The following SHPRH variants were observed in gnomAD, a reference collection of about 807,000 sequenced individuals.
SHPRH encodes the protein SNF2 histone linker PHD RING helicase, also known as E3 ubiquitin-protein ligase SHPRH.
In SHPRH, 106 loss-of-function variants were observed where a neutral mutation model predicts 202.5. That is an observed-to-expected ratio of 0.52 (90% confidence interval 0.45 to 0.62). The LOEUF is 0.62. Among genes scored for constraint, SHPRH ranks in the 20% least tolerant of loss-of-function variants. The probability of loss-of-function intolerance (pLI) is 0.00; values close to 1 mark genes in which losing one functional copy is unlikely to be tolerated. For missense variants in SHPRH, 1,710 were observed against 2,020.0 expected (o/e 0.85, Z 2.94); for synonymous variants, 729 against 686.0 (o/e 1.06, Z -0.98).
chr6:145,921,518 G>T, intron 20 of SHPRH, 126 bp from the exon 21 acceptor site: 2 of 868,886 alleles, frequency 2.3e-6, no homozygotes, highest in Non-Finnish European at 3.4e-6. Context: ...TGAAAAAGCT[G>T]AAAACATCAT....
intron 2 of SHPRH, among the ~76,000 whole-genome samples, chr6:145,870,259 A>ATTTT (rs146513776): frequency 2.8e-5 from 3 of 107,738 alleles, no homozygotes; most frequent in South Asian, 3.1e-4. Context: ...ATCGTTTCAG[A>ATTTT]TTTTTTTTTT....
At chr6:145,887,382 T>C (rs186933940) in intron 29 of SHPRH, among the ~76,000 whole-genome samples, 94 of 152,232 alleles carry the variant, frequency 6.2e-4, no homozygotes, top group East Asian at 2.9e-3. Context: ...TGTAGAAAGA[T>C]TTATGTTTTC....
chr6:145,952,286 G>A (rs1788056597), intron 3 of SHPRH, 63 bp downstream of exon 3: 2 of 1,439,668 alleles, frequency 1.4e-6, no homozygotes, highest in Non-Finnish European at 1.9e-6. Context: ...ATGTCCAGGG[G>A]TTAGAGGAAA....
intron 1 of SHPRH, among the ~76,000 whole-genome samples, chr6:145,955,775 C>T (rs571390716): frequency 1.3e-4 from 20 of 151,082 alleles, no homozygotes; most frequent in Middle Eastern, 3.4e-3. Flanking sequence ...TTATCAGGCA[C>T]GCAAAAAAAA....
rs528661784 is a variant in SHPRH, at chr6:145,923,326, G to A, written c.3545+317C>T. Among the ~76,000 whole-genome samples, 55 of 151,710 alleles carry A rather than the reference G, an allele frequency of 3.6e-4. 1 individual carries two copies. The South Asian group carries it at 0.011, about 29-fold the overall frequency. ...AAATCTGTAATTATGCACTATATACGAGGCACTTTGCCAAGCACTTTTCCT... is the reference window on the plus strand; with the variant it reads ...AAATCTGTAATTATGCACTATATACAAGGCACTTTGCCAAGCACTTTTCCT... On this transcript the variant is annotated intron_variant, in intron 18 of 29. Coordinates refer to ENST00000275233, the MANE Select transcript of SHPRH (RefSeq NM_001042683.3).
intron 1 of SHPRH, among the ~76,000 whole-genome samples, chr6:145,960,360 G>A (rs1428270905): frequency 2.0e-5 from 3 of 152,190 alleles, no homozygotes; most frequent in African/African-American, 7.2e-5. Flanking sequence ...TTTACTAGGT[G>A]AAACTGCACA....
At chr6:145,881,162 T>A (rs1016431894), downstream of SHPRH, among the ~76,000 whole-genome samples, 1 of 152,246 alleles carries the variant, frequency 6.6e-6, no homozygotes, top group African/African-American at 2.4e-5. Flanking sequence ...TATTAAAACA[T>A]AGATTTTTAG....
intron 25 of SHPRH, chr6:145,907,059 G>A (rs1367816338): frequency 6.6e-6 from 1 of 152,002 alleles, no homozygotes; most frequent in Non-Finnish European, 1.5e-5. Flanking sequence ...TAGTGACTCC[G>A]AATTTTGTAT....
chr6:145,888,958 A>C (rs1347584549), intron 28 of SHPRH, among the ~76,000 whole-genome samples: 1 of 152,164 alleles, frequency 6.6e-6, no homozygotes, highest in African/African-American at 2.4e-5. Context: ...AACAGATGAC[A>C]GTGCCACATT....
intron 25 of SHPRH, chr6:145,905,791 G>A (rs945205298): frequency 1.3e-5 from 2 of 151,954 alleles, no homozygotes; most frequent in Non-Finnish European, 2.9e-5. Context: ...GAGGGAACAG[G>A]ACTAGATGAT....
At chr6:145,933,235 G>C (rs1167320506) in intron 13 of SHPRH, 57 bp from the exon 14 acceptor site, 3 of 1,611,650 alleles carry the variant, frequency 1.9e-6, no homozygotes, top group Non-Finnish European at 2.5e-6. Context: ...TGTGACTTCA[G>C]TGGGAGTGTT....
At chr6:145,950,704 G>A (rs1030046528) in intron 3 of SHPRH, among the ~76,000 whole-genome samples, 1 of 151,710 alleles carries the variant, frequency 6.6e-6, no homozygotes, top group Admixed American at 6.6e-5. Flanking sequence ...ATTTTCTTTT[G>A]TTTTCCCTGG....
At chr6:145,933,438 GCA>G (rs1785688987) in intron 13 of SHPRH, among the ~76,000 whole-genome samples, 1 of 152,152 alleles carries the variant, frequency 6.6e-6, no homozygotes, top group African/African-American at 2.4e-5. Context: ...ACAAAGTACA[GCA>G]TGACATATTT....
intron 16 of SHPRH, among the ~76,000 whole-genome samples, chr6:145,925,106 T>C (rs1376882333): frequency 6.6e-6 from 1 of 151,856 alleles, no homozygotes; most frequent in African/African-American, 2.4e-5. Context: ...TTAATTTTTT[T>C]TTTTAGTTAG....
chr6:145,893,816 C>T (rs1583314976), intron 27 of SHPRH, among the ~76,000 whole-genome samples: 1 of 151,852 alleles, frequency 6.6e-6, no homozygotes. Flanking sequence ...ACTGTGACCA[C>T]ATGCAGTTCT....
chr6:145,887,976 C>T (rs553139801), intron 29 of SHPRH, 44 bp downstream of exon 29: 1 of 1,432,710 alleles, frequency 7.0e-7, no homozygotes, highest in African/African-American at 1.4e-5. Flanking sequence ...AAACTTTTAA[C>T]AGGAAAACCT....
intron 2 of SHPRH, among the ~76,000 whole-genome samples, chr6:145,869,611 G>A (rs552869076): frequency 1.3e-5 from 2 of 152,036 alleles, no homozygotes; most frequent in Non-Finnish European, 2.9e-5. Context: ...TGCCTTTGCT[G>A]TTTTATCAAA....
chr6:145,919,328 G>T lies in SHPRH; in HGVS notation c.4152+20C>A, dbSNP rs1029717254. The T allele has an allele frequency of 3.1e-6, 5 of 1,611,564 alleles. No individual in the cohort carries two copies. Among genetic ancestry groups the T allele is most frequent in the Admixed American group, 1.7e-5 (1 of 59,806 alleles). ...ACATCTGCTTGCTGTTCCCTTTTCT[G>T]TGATTTACTTGCCAATTACCTCATG... On this transcript the variant is annotated intron_variant, in intron 22 of 29. Transcript: ENST00000275233.
At chr6:145,889,790 T>C (rs934821682) in intron 28 of SHPRH, among the ~76,000 whole-genome samples, 2 of 152,184 alleles carry the variant, frequency 1.3e-5, no homozygotes, top group Non-Finnish European at 2.9e-5. Flanking sequence ...AATGTACACC[T>C]GTCCTTGAAA....
Sources: allele counts gnomAD v4.1 joint callset (sites outside exome capture counted in the v4.1 genomes callset), GRCh38; gene constraint gnomAD v4.1.1; transcripts MANE v1.5; gene names NCBI Gene and HGNC (gene_info 2026-07-23, HGNC 2026-07-21).